NAAA: variants seen among roughly 807,000 people sequenced by gnomAD.
NAAA encodes N-acylethanolamine-hydrolyzing acid amidase.
Under a neutral mutation model 44.8 loss-of-function variants are expected in NAAA, and 39 were observed. The observed-to-expected ratio is 0.87, with a 90% CI of 0.67 to 1.14. The LOEUF (loss-of-function observed/expected upper bound fraction) is 1.14, where lower values mean the gene tolerates loss of function less well. Ranked by LOEUF, NAAA falls within the 50% of genes most tolerant of loss-of-function variation. The pLI is 0.00. For synonymous variants in NAAA, 178 were observed against 191.3 expected, an observed-to-expected ratio of 0.93 and a Z score of 0.58; for missense variants, 460 against 467.8, an observed-to-expected ratio of 0.98 and a Z score of 0.15.
At chr4:75,920,462 G>A (rs888761581) in intron 7 of NAAA, among the ~76,000 whole-genome samples, 5 of 152,082 alleles carry the variant, frequency 3.3e-5, no homozygotes, top group African/African-American at 9.7e-5. Flanking sequence ...ACAGAGGCCC[G>A]AGAGCCACCC....
At chr4:75,914,774 TATATGTA>T in intron 10 of NAAA, 87 bp downstream of exon 10, 1 of 742,650 alleles carries the variant, frequency 1.3e-6, no homozygotes, top group Admixed American at 2.5e-5. Context: ...GAAAATATTA[TATATGTA>T]TACATTTTAA....
chr4:75,926,560 C>CAAAAAA (rs56212846), intron 4 of NAAA, among the ~76,000 whole-genome samples: 10 of 70,202 alleles, frequency 1.4e-4, no homozygotes, highest in Admixed American at 3.4e-4. Context: ...GACTCTGTCT[C>CAAAAAA]AAAAAAAAAA....
intron 5 of NAAA, among the ~76,000 whole-genome samples, chr4:75,924,388 G>A (rs1345197625): frequency 6.6e-6 from 1 of 152,230 alleles, no homozygotes; most frequent in Non-Finnish European, 1.5e-5. Context: ...CTAGGTGACT[G>A]ATTTCATCCC....
At chr4:75,934,615 C>T (rs553669675) in intron 3 of NAAA, among the ~76,000 whole-genome samples, 2 of 152,166 alleles carry the variant, frequency 1.3e-5, no homozygotes, top group African/African-American at 4.8e-5. Context: ...GCGTGAGCCA[C>T]CGCGCCCAGC....
At chr4:75,926,207 A>G (rs938191747) in intron 4 of NAAA, among the ~76,000 whole-genome samples, 1 of 152,188 alleles carries the variant, frequency 6.6e-6, no homozygotes, top group Non-Finnish European at 1.5e-5. Flanking sequence ...AAGTAATGGC[A>G]ATATAAGAAA....
intron 6 of NAAA, 34 bp from the exon 7 acceptor site, chr4:75,920,834 G>C: frequency 1.2e-6 from 2 of 1,614,050 alleles, no homozygotes; most frequent in African/African-American, 1.3e-5. Flanking sequence ...TCTTATCCAA[G>C]GCAATTTACG....
At chr4:75,924,072 T>A (rs781577735) in intron 5 of NAAA, among the ~76,000 whole-genome samples, 5 of 152,172 alleles carry the variant, frequency 3.3e-5, no homozygotes, top group Admixed American at 6.6e-5. Flanking sequence ...AAGCAGCAAC[T>A]CATTTTTTTG....
At chr4:75,933,934 G>C (rs1204360370) in intron 3 of NAAA, among the ~76,000 whole-genome samples, 1 of 151,834 alleles carries the variant, frequency 6.6e-6, no homozygotes, top group East Asian at 1.9e-4. Flanking sequence ...GGAGGCTGAG[G>C]CAGGAGAATT....
chr4:75,925,720 A>G lies in NAAA; in HGVS notation c.666+15T>C. ...GAGGTGGAGTTAAGGAGGGCTCCAC[A>G]TTAAATATACTCACAGCGCGGATCA... On this transcript the variant is annotated intron_variant, in intron 5 of 10. Coordinates refer to ENST00000286733, the MANE Select transcript of NAAA (RefSeq NM_014435.4). The G allele has an allele frequency of 1.2e-6, 2 of 1,613,836 alleles. No homozygotes were observed. Among genetic ancestry groups the G allele is most frequent in the Non-Finnish European group, 1.7e-6 (2 of 1,179,682 alleles).
chr4:75,940,199 C>T (rs752978625), intron 1 of NAAA, 34 bp from the exon 2 acceptor site: 6 of 1,596,922 alleles, frequency 3.8e-6, no homozygotes, highest in African/African-American at 1.3e-5. Flanking sequence ...GTCTGACCCG[C>T]TCAGAGGTCG....
At chr4:75,920,843 C>T (rs372563339) in intron 6 of NAAA, 43 bp from the exon 7 acceptor site, 27 of 1,613,626 alleles carry the variant, frequency 1.7e-5, no homozygotes, top group South Asian at 1.3e-4. Flanking sequence ...AGGCAATTTA[C>T]GACATAGCAG....
intron 2 of NAAA, 69 bp from the exon 3 acceptor site, chr4:75,936,304 C>T: frequency 6.5e-7 from 1 of 1,543,840 alleles, no homozygotes; most frequent in Non-Finnish European, 8.8e-7. Flanking sequence ...AGGAGTTTTT[C>T]ATTTGTAAAA....
downstream of NAAA, among the ~76,000 whole-genome samples, chr4:75,913,040 A>T (rs1725393288): frequency 6.7e-6 from 1 of 148,726 alleles, no homozygotes; most frequent in Non-Finnish European, 1.5e-5. Context: ...CCAAAGGAAA[A>T]GTTAAGCCTG....
chr4:75,925,676 CAG>C, intron 5 of NAAA, 57 bp downstream of exon 5: 1 of 1,511,328 alleles, frequency 6.6e-7, no homozygotes, highest in Non-Finnish European at 9.2e-7. Flanking sequence ...TTAAATGACA[CAG>C]AACAGTTTAG....
At chr4:75,916,012 G>A (rs1353691756) in intron 9 of NAAA, among the ~76,000 whole-genome samples, 3 of 152,212 alleles carry the variant, frequency 2.0e-5, no homozygotes, top group Non-Finnish European at 4.4e-5. Context: ...GTAAGCAAGT[G>A]CAGAGCTCGT....
intron 5 of NAAA, among the ~76,000 whole-genome samples, chr4:75,924,456 T>C (rs1227391419): frequency 1.3e-5 from 2 of 152,252 alleles, no homozygotes; most frequent in Non-Finnish European, 2.9e-5. Flanking sequence ...ATTTTCCATT[T>C]CATATTTCTG....
In NAAA at chr4:75,933,756, C is replaced by A. The variant is rs569456496; in HGVS notation, c.498+2353G>T. 1.9e-3 allele frequency among the ~76,000 whole-genome samples: 288 copies of A among 152,056 alleles called. 1 individual carries two copies. The highest frequency in any genetic ancestry group is 3.5e-3 in the Non-Finnish European group (240 of 67,984). ...GGAATTTTAAGTTACAGCCTGGTGC[C>A]TGGTGCGGTGGCTCAAACCTGTAAT... On this transcript the variant is annotated intron_variant, in intron 3 of 10. Transcript: ENST00000286733.
chr4:75,929,454 G>A (rs1056776260), intron 4 of NAAA, among the ~76,000 whole-genome samples: 4 of 152,148 alleles, frequency 2.6e-5, no homozygotes, highest in African/African-American at 7.2e-5. Context: ...AAAGCAGTTT[G>A]ACAGTATTTC....
At chr4:75,927,604 AAAAAAAAAATT>A (rs1246333185) in intron 4 of NAAA, among the ~76,000 whole-genome samples, 1 of 148,176 alleles carries the variant, frequency 6.7e-6, no homozygotes, top group African/African-American at 2.5e-5. Context: ...GTTTCTACTA[AAAAAAAAAATT>A]AAAAAAAAAT....
Sources: gnomAD v4.1 joint callset for allele counts (sites outside exome capture counted in the v4.1 genomes callset) on GRCh38, gnomAD v4.1.1 for gene constraint, MANE v1.5 for transcripts, NCBI Gene and HGNC (gene_info 2026-07-23, HGNC 2026-07-21) for gene names.